GRM7: variants seen among roughly 807,000 people sequenced by gnomAD.
GRM7 encodes glutamate metabotropic receptor 7.
In GRM7, 35 loss-of-function variants were observed where a neutral mutation model predicts 84.5. The observed-to-expected ratio is 0.41, with a 90% CI of 0.32 to 0.55. The LOEUF (loss-of-function observed/expected upper bound fraction) is 0.55. Ranked by LOEUF, GRM7 falls within the 20% of genes least tolerant of loss-of-function variation. The probability of loss-of-function intolerance (pLI) is 0.19; values close to 1 mark genes in which losing one functional copy is unlikely to be tolerated. For synonymous variants in GRM7, 487 were observed against 455.1 expected (o/e 1.07, Z -0.89); for missense variants, 1,003 against 1,194.6 (o/e 0.84, Z 2.36).
At chr3:6,917,580 G>T (rs1696985634) in intron 1 of GRM7, among the ~76,000 whole-genome samples, 1 of 149,814 alleles carries the variant, frequency 6.7e-6, no homozygotes, top group Admixed American at 6.7e-5. Flanking sequence ...CCCTGGGAAT[G>T]CAGAGGCACA....
At chr3:7,120,216 A>G (rs1459569936) in intron 1 of GRM7, among the ~76,000 whole-genome samples, 1 of 152,120 alleles carries the variant, frequency 6.6e-6, no homozygotes, top group Non-Finnish European at 1.5e-5. Flanking sequence ...GCCTAAAACA[A>G]AAGTAAAAAC....
chr3:7,553,821 G>A (rs745963154), intron 7 of GRM7, among the ~76,000 whole-genome samples: 13 of 152,168 alleles, frequency 8.5e-5, no homozygotes, highest in Non-Finnish European at 1.3e-4. Flanking sequence ...AATTCGATAT[G>A]AGATTTGAAT....
At chr3:7,401,756 T>A (rs1695461895) in intron 4 of GRM7, among the ~76,000 whole-genome samples, 1 of 152,148 alleles carries the variant, frequency 6.6e-6, no homozygotes, top group South Asian at 2.1e-4. Context: ...TCTGAATCTC[T>A]TCCCTTTCTG....
chr3:7,331,003 G>A (rs924972130), intron 4 of GRM7, among the ~76,000 whole-genome samples: 1 of 152,120 alleles, frequency 6.6e-6, no homozygotes, highest in African/African-American at 2.4e-5. Context: ...CCCTGTAAGA[G>A]CTTGCTATCT....
intron 1 of GRM7, among the ~76,000 whole-genome samples, chr3:7,135,734 A>G (rs1479142146): frequency 6.6e-6 from 1 of 152,136 alleles, no homozygotes; most frequent in Non-Finnish European, 1.5e-5. Flanking sequence ...AAAAAATATA[A>G]TATACAGAGG....
intron 3 of GRM7, among the ~76,000 whole-genome samples, chr3:7,305,252 G>T (rs1355450882): frequency 6.8e-6 from 1 of 147,362 alleles, no homozygotes; most frequent in Non-Finnish European, 1.5e-5. Context: ...CTATTTTGGT[G>T]TTTTTTTGTT....
chr3:7,119,036 C>T (rs930073714), intron 1 of GRM7, among the ~76,000 whole-genome samples: 3 of 152,076 alleles, frequency 2.0e-5, no homozygotes, highest in African/African-American at 4.8e-5. Context: ...AGCGTAGCAA[C>T]AAATTTCCTA....
At chr3:7,708,669 T>A (rs529602263) in intron 9 of GRM7, among the ~76,000 whole-genome samples, 1 of 151,570 alleles carries the variant, frequency 6.6e-6, no homozygotes, top group Admixed American at 6.6e-5. Flanking sequence ...ACAGAAAGAG[T>A]TTGAAGGCAG....
At chr3:7,104,076 G>A (rs73115082) in intron 1 of GRM7, among the ~76,000 whole-genome samples, 6 of 151,216 alleles carry the variant, frequency 4.0e-5, no homozygotes, top group Non-Finnish European at 8.9e-5. Context: ...AGGTCTAAAT[G>A]AGGTCATGAG....
chr3:7,298,811 C>T lies in GRM7; in HGVS notation c.864C>T (p.Asn288=), dbSNP rs1306855320. Residue 288 remains asparagine, a synonymous_variant, in exon 3 of 10, where the codon AAC becomes AAT. Transcript: ENST00000357716. ...PNSRAVVIFA[N]DEDIKQILAA... ...CCAGGGCCGTCGTGATTTTTGCCAA[C>T]GATGAGGATATAAAGTAAGAATAAC... is the stretch of plus-strand genomic sequence containing the variant. The T allele has an allele frequency of 3.1e-6, 5 of 1,613,274 alleles. No homozygotes were observed. The highest frequency in any genetic ancestry group is 2.5e-6 in the Non-Finnish European group (3 of 1,179,556).
chr3:7,649,645 A>G (rs182389724), intron 8 of GRM7, among the ~76,000 whole-genome samples: 4 of 152,160 alleles, frequency 2.6e-5, no homozygotes, highest in African/African-American at 9.7e-5. Flanking sequence ...TTACACCATC[A>G]TCACCTTTGT....
chr3:7,706,762 A>G (rs1044445854), intron 9 of GRM7, among the ~76,000 whole-genome samples: 4 of 152,138 alleles, frequency 2.6e-5, no homozygotes, highest in African/African-American at 7.2e-5. Flanking sequence ...ATGACTGATT[A>G]ATTGCCTATG....
At chr3:6,894,454 A>G (rs542032202) in intron 1 of GRM7, among the ~76,000 whole-genome samples, 6 of 152,284 alleles carry the variant, frequency 3.9e-5, no homozygotes, top group African/African-American at 1.4e-4. Flanking sequence ...GATTTATGTC[A>G]TCTATTGTTT....
At chr3:7,563,704 G>A (rs966734447) in intron 7 of GRM7, among the ~76,000 whole-genome samples, 3 of 152,114 alleles carry the variant, frequency 2.0e-5, no homozygotes, top group East Asian at 1.9e-4. Flanking sequence ...GTGGAGGTTC[G>A]GGGGTCTGCT....
At chr3:7,649,713 T>G (rs191912506) in intron 8 of GRM7, among the ~76,000 whole-genome samples, 202 of 152,316 alleles carry the variant, frequency 1.3e-3, no homozygotes, top group Admixed American at 2.3e-3. Context: ...AAAGAATGAT[T>G]GTTGGCTGAC....
At position 7,680,105 on chromosome 3, in the gene GRM7, G is replaced by T. The variant is rs750777601; in HGVS notation, c.2508G>T (p.Ala836=). 4 of 1,613,700 alleles carry T rather than the reference G, an allele frequency of 2.5e-6. No individual in the cohort carries two copies. The South Asian group carries it at 3.3e-5, about 13-fold the overall frequency. The change falls in exon 9 of 10, where the codon GCG becomes GCT. Residue 836 remains alanine, a synonymous_variant. Transcript: ENST00000357716. ...TISMNLSASV[A]LGMLYMPKVY... is the part of the protein sequence containing the mutation. ...CCATGAACCTAAGTGCATCAGTGGC[G>T]CTGGGGATGCTATACATGCCGAAAG...
chr3:7,238,753 C>A (rs1256851798), intron 2 of GRM7, among the ~76,000 whole-genome samples: 3 of 149,814 alleles, frequency 2.0e-5, no homozygotes, highest in African/African-American at 5.0e-5. Flanking sequence ...CTTTTCTTTT[C>A]TTTTCCTTTC....
At chr3:7,502,836 T>C (rs1362284220) in intron 7 of GRM7, among the ~76,000 whole-genome samples, 1 of 152,194 alleles carries the variant, frequency 6.6e-6, no homozygotes, top group African/African-American at 2.4e-5. Flanking sequence ...GTTGTTTGCA[T>C]ATTCATCAAC....
intron 8 of GRM7, among the ~76,000 whole-genome samples, chr3:7,666,041 T>C (rs1699685624): frequency 6.6e-6 from 1 of 152,270 alleles, no homozygotes; most frequent in East Asian, 1.9e-4. Flanking sequence ...GGACTTGAGA[T>C]AACTGAATCT....
Sources: allele counts gnomAD v4.1 joint callset (sites outside exome capture counted in the v4.1 genomes callset), GRCh38; gene constraint gnomAD v4.1.1; transcripts MANE v1.5; gene names NCBI Gene and HGNC (gene_info 2026-07-23, HGNC 2026-07-21).